IL36B: variants seen among roughly 807,000 people sequenced by gnomAD.
IL36B encodes interleukin 36 beta, also known as interleukin-36 beta.
Under a neutral mutation model 19.3 loss-of-function variants are expected in IL36B, and 23 were observed. That is an observed-to-expected ratio of 1.19 (90% CI 0.86 to 1.69). The LOEUF (loss-of-function observed/expected upper bound fraction) is 1.69. Among genes scored for constraint, IL36B ranks in the 40% most tolerant of loss-of-function variants. The pLI, the probability that IL36B is intolerant of heterozygous loss-of-function variation, is 0.00. For missense variants in IL36B, 217 were observed against 200.5 expected, an observed-to-expected ratio of 1.08 and a Z score of -0.50; for synonymous variants, 59 against 59.7, an observed-to-expected ratio of 0.99 and a Z score of 0.05.
intron 1 of IL36B, among the ~76,000 whole-genome samples, chr2:113,043,896 T>C (rs1178206859): frequency 2.6e-5 from 4 of 152,196 alleles, no homozygotes; most frequent in Non-Finnish European, 4.4e-5. Context: ...CAGTTGTTCA[T>C]ATATGTGTAA....
chr2:113,037,494 A>C (rs369151926), intron 1 of IL36B, among the ~76,000 whole-genome samples: 47 of 152,170 alleles, frequency 3.1e-4, no homozygotes, highest in East Asian at 2.1e-3. Context: ...TATTAAAAAT[A>C]CAAAATTAGC....
At chr2:113,035,819 C>G (rs1186865036) in intron 1 of IL36B, among the ~76,000 whole-genome samples, 1 of 152,136 alleles carries the variant, frequency 6.6e-6, no homozygotes, top group Non-Finnish European at 1.5e-5. Context: ...GTGTCTCTGA[C>G]ATAGACAATG....
chr2:113,051,725 G>A (rs1685450320), intron 1 of IL36B, among the ~76,000 whole-genome samples: 1 of 152,182 alleles, frequency 6.6e-6, no homozygotes, highest in African/African-American at 2.4e-5. Context: ...AGTCCTGGAT[G>A]CAGCTGGAGG....
At chr2:113,030,185 T>A (rs1168498293) in intron 3 of IL36B, among the ~76,000 whole-genome samples, 1 of 151,324 alleles carries the variant, frequency 6.6e-6, no homozygotes, top group Non-Finnish European at 1.5e-5. Flanking sequence ...AGAGCTGAGA[T>A]CGTGCCATTG....
intron 1 of IL36B, among the ~76,000 whole-genome samples, chr2:113,041,909 G>C (rs1685263802): frequency 6.6e-6 from 1 of 152,148 alleles, no homozygotes; most frequent in African/African-American, 2.4e-5. Flanking sequence ...AAATGGGCTG[G>C]CTTTCTGGGA....
chr2:113,037,187 C>G (rs1489667137), intron 1 of IL36B, among the ~76,000 whole-genome samples: 1 of 152,232 alleles, frequency 6.6e-6, no homozygotes, highest in Non-Finnish European at 1.5e-5. Context: ...GTCCACGAGG[C>G]TGTGTGTCCA....
intron 1 of IL36B, among the ~76,000 whole-genome samples, chr2:113,044,246 A>T (rs1201343941): frequency 6.7e-6 from 1 of 149,828 alleles, no homozygotes; most frequent in Non-Finnish European, 1.5e-5. Context: ...TTACTTTGAT[A>T]TATCTATATC....
intron 1 of IL36B, among the ~76,000 whole-genome samples, chr2:113,034,253 G>A (rs990935787): frequency 6.6e-6 from 1 of 152,080 alleles, no homozygotes; most frequent in Admixed American, 6.5e-5. Flanking sequence ...GCTTATCTTC[G>A]CCTGCAGGGA....
intron 5 of IL36B, among the ~76,000 whole-genome samples, chr2:113,025,066 T>C (rs535944253): frequency 7.0e-4 from 106 of 152,264 alleles, no homozygotes; most frequent in African/African-American, 2.4e-3. Context: ...ATGCAAACCC[T>C]CAGACTGTGC....
At chr2:113,025,079 C>T (rs35257062) in intron 5 of IL36B, among the ~76,000 whole-genome samples, 3,917 of 152,240 alleles carry the variant, frequency 0.026, 191 homozygotes, top group African/African-American at 0.089. Flanking sequence ...GACTGTGCAC[C>T]GAGCCCTCCA....
chr2:113,034,649 G>T (rs572698086), intron 1 of IL36B, among the ~76,000 whole-genome samples: 12 of 152,178 alleles, frequency 7.9e-5, no homozygotes, highest in Non-Finnish European at 1.8e-4. Flanking sequence ...AATGTATGTA[G>T]TATCTCATGA....
chr2:113,031,624 G>C, intron 2 of IL36B, 73 bp downstream of exon 2: 1 of 1,237,608 alleles, frequency 8.1e-7, no homozygotes, highest in Non-Finnish European at 1.2e-6. Flanking sequence ...AATGATAGGG[G>C]TCCTTCCATC....
At position 113,046,201 on chromosome 2, in the gene IL36B, GTTTTTTCTTTTT is replaced by G. The variant is rs1443845869; in HGVS notation, c.-58+6604_-58+6615del. Among the ~76,000 whole-genome samples the G allele has an allele frequency of 6.9e-5, 10 of 145,086 alleles. 1 individual carries two copies. The highest frequency in any genetic ancestry group is 4.3e-4 in the South Asian group (2 of 4,680). On this transcript the variant is annotated intron_variant, in intron 1 of 5. Transcript: ENST00000259213. ...AAAGTTTATATTCTGGTTTCTTCAG[GTTTTTTCTTTTT>G]TTTTTTTTTTTTTTGAGACGGAGTC...
At chr2:113,052,323 G>A (rs1477017327) in intron 1 of IL36B, among the ~76,000 whole-genome samples, 1 of 152,084 alleles carries the variant, frequency 6.6e-6, no homozygotes, top group Non-Finnish European at 1.5e-5. Flanking sequence ...CTCGAGCTCT[G>A]CCTTCTATTC....
At chr2:113,031,579 G>A (rs751306498) in intron 2 of IL36B, 118 bp downstream of exon 2, 1 of 896,198 alleles carries the variant, frequency 1.1e-6, no homozygotes, top group Non-Finnish European at 1.8e-6. Context: ...GGAACTGAGT[G>A]TTTTAGCAAG....
At chr2:113,029,207 T>G (rs543526359) in intron 3 of IL36B, 129 bp from the exon 4 acceptor site, 1 of 858,414 alleles carries the variant, frequency 1.2e-6, no homozygotes, top group East Asian at 2.7e-5. Flanking sequence ...TCCATCACCC[T>G]CCTCAAACCT....
chr2:113,031,485 C>T (rs1685074904), intron 2 of IL36B, among the ~76,000 whole-genome samples: 1 of 151,918 alleles, frequency 6.6e-6, no homozygotes, highest in South Asian at 2.1e-4. Context: ...TTTTTAAAAT[C>T]CTCTCATCAA....
chr2:113,046,398 A>G (rs1685351058), intron 1 of IL36B, among the ~76,000 whole-genome samples: 2 of 152,066 alleles, frequency 1.3e-5, no homozygotes, highest in African/African-American at 4.8e-5. Flanking sequence ...TTTAGTAGAG[A>G]CGGTGTTTCA....
In IL36B at chr2:113,031,140, T is replaced by G. The variant is rs757282283; in HGVS notation, c.29A>C (p.Lys10Thr). The G allele has an allele frequency of 2.5e-6, 4 of 1,614,004 alleles. No homozygotes were observed. Among genetic ancestry groups the G allele is most frequent in the Middle Eastern group, 1.7e-4 (1 of 6,060 alleles). ...TCGAGAATCACGAATAGCATAGGAT[T>G]TGGGTGCTGCCTCCCCTGCCAGATG... The change falls in exon 3 of 6, where the codon AAA (lysine) becomes ACA (threonine). Residue 10 changes from lysine (K) to threonine (T), a missense_variant. By Grantham distance (78) the Lys-to-Thr change is moderately conservative. Transcript: ENST00000259213.
Sources: gnomAD v4.1 joint callset for allele counts (sites outside exome capture counted in the v4.1 genomes callset) on GRCh38, gnomAD v4.1.1 for gene constraint, MANE v1.5 for transcripts, NCBI Gene and HGNC (gene_info 2026-07-23, HGNC 2026-07-21) for gene names.